The following CD2AP variants were observed in gnomAD, a reference collection of about 807,000 sequenced individuals.
CD2AP encodes the protein CD2 associated protein.
Under a neutral mutation model 85.1 loss-of-function variants are expected in CD2AP, and 46 were observed. That is an observed-to-expected ratio of 0.54 (90% CI 0.43 to 0.69). The LOEUF is 0.69. Ranked by LOEUF, CD2AP falls within the 30% of genes least tolerant of loss-of-function variation. The pLI, the probability that CD2AP is intolerant of heterozygous loss-of-function variation, is 0.00. For missense variants in CD2AP, 769 were observed against 729.5 expected (o/e 1.05, Z -0.62); for synonymous variants, 255 against 252.9 (o/e 1.01, Z -0.08).
At chr6:47,557,109 C>T (rs1201003764) in intron 5 of CD2AP, among the ~76,000 whole-genome samples, 10 of 150,816 alleles carry the variant, frequency 6.6e-5, no homozygotes, top group Admixed American at 6.6e-5. Context: ...GTTTGTTGGC[C>T]GCATAAATGT....
chr6:47,485,711 A>G (rs957592295), intron 1 of CD2AP, among the ~76,000 whole-genome samples: 1 of 152,042 alleles, frequency 6.6e-6, no homozygotes, highest in Non-Finnish European at 1.5e-5. Context: ...TGTAATCTCT[A>G]TTCATGGTAG....
At chr6:47,617,845 T>G (rs747843692) in intron 17 of CD2AP, among the ~76,000 whole-genome samples, 60 of 152,198 alleles carry the variant, frequency 3.9e-4, no homozygotes, top group Non-Finnish European at 7.5e-4. Context: ...TAGCTATCTT[T>G]CTTTACTTGC....
intron 10 of CD2AP, 110 bp downstream of exon 10, chr6:47,581,010 T>C (rs567169860): frequency 1.3e-6 from 1 of 773,364 alleles, no homozygotes; most frequent in East Asian, 2.6e-5. Context: ...ATGATGTCTG[T>C]AAACATTTTT....
chr6:47,519,057 A>T (rs1766521084), intron 2 of CD2AP, among the ~76,000 whole-genome samples: 2 of 152,352 alleles, frequency 1.3e-5, no homozygotes, highest in African/African-American at 4.8e-5. Flanking sequence ...GACTTTTTAT[A>T]GGTGGCAAGA....
In CD2AP at chr6:47,533,596, T is replaced by C. The variant is rs1256515248; in HGVS notation, c.166-6T>C. On this transcript the variant is annotated splice_region_variant and splice_polypyrimidine_tract_variant and intron_variant, in intron 2 of 17. Coordinates refer to ENST00000359314, the MANE Select transcript of CD2AP (RefSeq NM_012120.3). ...CTTGCCTCTTTATTTATTTTCCCTTTTGTAGGAAATTAAAAGAGAGACGGA... is the reference window on the plus strand; with the variant it reads ...CTTGCCTCTTTATTTATTTTCCCTTCTGTAGGAAATTAAAAGAGAGACGGA... 6.2e-7 allele frequency: 1 copy of C among 1,613,092 alleles called. No homozygotes were observed. Among genetic ancestry groups the C allele is most frequent in the East Asian group, 2.2e-5 (1 of 44,820 alleles).
chr6:47,533,454 A>G (rs1006334884), intron 2 of CD2AP, 148 bp from the exon 3 acceptor site: 2 of 730,050 alleles, frequency 2.7e-6, no homozygotes, highest in Non-Finnish European at 4.4e-6. Flanking sequence ...TATTCTTCAG[A>G]TATGTTTGAG....
intron 17 of CD2AP, among the ~76,000 whole-genome samples, chr6:47,614,488 G>A (rs1407559093): frequency 6.6e-6 from 1 of 152,138 alleles, no homozygotes; most frequent in African/African-American, 2.4e-5. Flanking sequence ...GAACACACAT[G>A]ACATTTATCA....
intron 2 of CD2AP, among the ~76,000 whole-genome samples, chr6:47,507,761 A>G (rs959244414): frequency 1.3e-5 from 2 of 152,214 alleles, no homozygotes; most frequent in African/African-American, 2.4e-5. Flanking sequence ...TATTTCTTAA[A>G]TAAGAATACT....
At chr6:47,490,223 GTCC>G (rs1170750847) in intron 1 of CD2AP, among the ~76,000 whole-genome samples, 12 of 152,224 alleles carry the variant, frequency 7.9e-5, no homozygotes, top group African/African-American at 2.6e-4. Flanking sequence ...GCTTCAAGCA[GTCC>G]TCTTACCTGG....
intron 2 of CD2AP, among the ~76,000 whole-genome samples, chr6:47,522,838 AC>A (rs1562014568): frequency 6.6e-6 from 1 of 151,796 alleles, no homozygotes; most frequent in Non-Finnish European, 1.5e-5. Context: ...AATTATATTT[AC>A]ATTAAATCTT....
intron 13 of CD2AP, among the ~76,000 whole-genome samples, chr6:47,604,258 A>G (rs908602319): frequency 6.6e-6 from 1 of 152,038 alleles, no homozygotes; most frequent in Admixed American, 6.6e-5. Context: ...ATTTAAAAGC[A>G]TTTAGATATG....
At chr6:47,495,321 G>A (rs1474120267) in intron 1 of CD2AP, among the ~76,000 whole-genome samples, 2 of 152,140 alleles carry the variant, frequency 1.3e-5, no homozygotes, top group Non-Finnish European at 2.9e-5. Context: ...CAAGATGGAG[G>A]TAGAGGTTGG....
intron 12 of CD2AP, among the ~76,000 whole-genome samples, chr6:47,598,705 G>T (rs1769020987): frequency 6.6e-6 from 1 of 150,542 alleles, no homozygotes; most frequent in Non-Finnish European, 1.5e-5. Flanking sequence ...AAGCTGTGAG[G>T]ACACAAAAGC....
intron 9 of CD2AP, chr6:47,580,055 A>G (rs1768431590): frequency 1.9e-5 from 3 of 156,348 alleles, no homozygotes; most frequent in Admixed American, 1.9e-4. Context: ...CATCAACACA[A>G]GCACACAACA....
At chr6:47,487,941 A>T (rs563032010) in intron 1 of CD2AP, among the ~76,000 whole-genome samples, 6 of 152,164 alleles carry the variant, frequency 3.9e-5, no homozygotes, top group Admixed American at 2.0e-4. Flanking sequence ...TACAAAATTT[A>T]AATATATTGA....
rs1208461721 is a variant in CD2AP at position 47,624,371 on chromosome 6, G to A, written c.*144G>A. On this transcript the variant is annotated 3_prime_UTR_variant, in exon 18 of 18. Coordinates refer to ENST00000359314, the MANE Select transcript of CD2AP (RefSeq NM_012120.3). The stretch of plus-strand genomic sequence containing the variant: ...AGTGTAATATCTATAGAAAAGTAGA[G>A]TGAGGGTGAATTTATATATATATTT... The A allele has an allele frequency of 1.3e-5, 9 of 674,858 alleles. No individual in the cohort carries two copies. The highest frequency in any genetic ancestry group is 8.2e-5 in the East Asian group (3 of 36,504). The allele number at this position is 674,858 out of a possible 1,614,324, so 41.8% of individuals were successfully genotyped here. A position where few individuals can be genotyped will look rare whatever the true frequency, so the allele number is the denominator to read the frequency against.
intron 5 of CD2AP, among the ~76,000 whole-genome samples, chr6:47,560,741 A>C (rs1417023531): frequency 6.6e-6 from 1 of 152,096 alleles, no homozygotes; most frequent in Non-Finnish European, 1.5e-5. Flanking sequence ...CTGTGCTGCC[A>C]CTGTACTTTT....
intron 3 of CD2AP, among the ~76,000 whole-genome samples, chr6:47,541,256 T>C (rs1767207611): frequency 6.6e-6 from 1 of 152,182 alleles, no homozygotes; most frequent in South Asian, 2.1e-4. Context: ...CCTGAGTAGC[T>C]GAGACTACAG....
At position 47,615,792 on chromosome 6, in the gene CD2AP, A is replaced by T. The variant is rs1014948209; in HGVS notation, c.1878+3256A>T. ...TTTAATTTTAATTTTAATTTAATTT[A>T]ATTTATTTATTTATTTATTTATTTA... is the stretch of plus-strand genomic sequence containing the variant. On this transcript the variant is annotated intron_variant, in intron 17 of 17. Coordinates refer to ENST00000359314, the MANE Select transcript of CD2AP (RefSeq NM_012120.3). Among the ~76,000 whole-genome samples the T allele has an allele frequency of 2.7e-3, 320 of 117,408 alleles. 2 individuals are homozygous for T. The highest frequency in any genetic ancestry group is 4.3e-3 in the Non-Finnish European group (225 of 51,814). 77.0% of individuals were successfully genotyped at this position (117,408 alleles called of 152,430 possible). A position where few individuals can be genotyped will look rare whatever the true frequency, so the allele number is the denominator to read the frequency against.
Sources: gnomAD v4.1 joint callset for allele counts (sites outside exome capture counted in the v4.1 genomes callset) on GRCh38, gnomAD v4.1.1 for gene constraint, MANE v1.5 for transcripts, NCBI Gene and HGNC (gene_info 2026-07-23, HGNC 2026-07-21) for gene names.